The following XKR7 variants were observed in gnomAD, a reference collection of about 807,000 sequenced individuals.
XKR7 encodes XK related 7.
A neutral mutation model predicts 42.2 loss-of-function variants in XKR7; 11 were observed. The observed-to-expected ratio is 0.26, with a 90% CI of 0.16 to 0.43. The LOEUF (loss-of-function observed/expected upper bound fraction) is 0.43, where lower values mean the gene tolerates loss of function less well. XKR7 is among the 20% of genes least tolerant of loss of function. The pLI, the probability that XKR7 is intolerant of heterozygous loss-of-function variation, is 1.00. For synonymous variants in XKR7, 346 were observed against 366.4 expected, an observed-to-expected ratio of 0.94 and a Z score of 0.64; for missense variants, 710 against 802.2, an observed-to-expected ratio of 0.89 and a Z score of 1.39.
At chr20:31,975,506 A>C (rs2064480980) in intron 1 of XKR7, among the ~76,000 whole-genome samples, 1 of 152,122 alleles carries the variant, frequency 6.6e-6, no homozygotes, top group African/African-American at 2.4e-5. Context: ...TCTTCTAAGA[A>C]GCTTTCTCTG....
chr20:31,980,255 C>A (rs13044789), intron 1 of XKR7, among the ~76,000 whole-genome samples: 1 of 152,042 alleles, frequency 6.6e-6, no homozygotes, highest in Non-Finnish European at 1.5e-5. Context: ...AAATCACATT[C>A]TTTACTGACA....
chr20:31,985,442 G>A (rs2064533472), intron 1 of XKR7, among the ~76,000 whole-genome samples: 1 of 151,822 alleles, frequency 6.6e-6, no homozygotes, highest in Non-Finnish European at 1.5e-5. Context: ...TCAGGGAGAG[G>A]AGGAGCAGGC....
In XKR7 at chr20:32,000,002, C is replaced by CA. The variant is rs2064616565; in HGVS notation, c.*2546dup. On this transcript the variant is annotated 3_prime_UTR_variant, in exon 3 of 3. Transcript: ENST00000562532. ...ACATTTTTGGATTTTACTCCACCCCCACTCCCCACCTCTTCTCAACCCCAC... is the reference window on the plus strand; with the variant it reads ...ACATTTTTGGATTTTACTCCACCCCCAACTCCCCACCTCTTCTCAACCCCAC... The CA allele has an allele frequency of 6.6e-6, 1 of 152,380 alleles. No homozygotes were observed. The highest frequency in any genetic ancestry group is 2.4e-5 in the African/African-American group (1 of 41,438). The allele number at this position is 152,380 out of a possible 1,614,324, so 9.4% of individuals were successfully genotyped here.
intron 1 of XKR7, among the ~76,000 whole-genome samples, chr20:31,971,571 T>C (rs1360761490): frequency 1.3e-5 from 2 of 152,166 alleles, no homozygotes; most frequent in African/African-American, 2.4e-5. Flanking sequence ...ACGTGAGATG[T>C]TCCCACAGAT....
intron 1 of XKR7, 119 bp from the exon 2 acceptor site, chr20:31,994,949 G>GCTCACACA: frequency 7.5e-6 from 11 of 1,476,082 alleles, no homozygotes; most frequent in Non-Finnish European, 9.8e-6. Context: ...TCACAGCTGA[G>GCTCACACA]GAAACAGGCT....
chr20:31,973,715 G>A (rs897472027), intron 1 of XKR7, among the ~76,000 whole-genome samples: 1 of 152,130 alleles, frequency 6.6e-6, no homozygotes, highest in Non-Finnish European at 1.5e-5. Context: ...ATAGAGTGAG[G>A]GGAGCATGTT....
chr20:31,997,009 T>C lies in XKR7; in HGVS notation c.1292T>C (p.Phe431Ser). Reference sequence around the variant, plus strand: ...TCCAGCTTTGCGCTGGGCATATTCTTCATGTGTGTCTACTACTGTCTCCTG... The same window carrying C: ...TCCAGCTTTGCGCTGGGCATATTCTCCATGTGTGTCTACTACTGTCTCCTG... ...VASSFALGIF[F>S]MCVYYCLLHP... The change falls in exon 3 of 3, where the codon TTC becomes TCC. Residue 431 changes from phenylalanine to serine, a missense_variant. Physicochemically the swap from Phe to Ser is radical, Grantham distance 155. This residue lies in a region of XKR7 where 708 missense variants were observed against 786.2 expected (regional missense o/e 0.90). Coordinates refer to ENST00000562532, the MANE Select transcript of XKR7 (RefSeq NM_001011718.2). 3.1e-6 allele frequency: 5 copies of C among 1,614,100 alleles called. No individual in the cohort carries two copies. The highest frequency in any genetic ancestry group is 4.2e-6 in the Non-Finnish European group (5 of 1,180,032).
Position 31,996,573 on chromosome 20 carries a change from G to T in XKR7, c.856G>T (p.Asp286Tyr). The T allele has an allele frequency of 2.0e-6, 3 of 1,534,540 alleles. No homozygotes were observed. Among genetic ancestry groups the T allele is most frequent in the Non-Finnish European group, 1.7e-6 (2 of 1,144,670 alleles). ...TLASYQKVLRDSRDDKRPLSY... is the reference protein window; with the variant it reads ...TLASYQKVLRYSRDDKRPLSY... Reference sequence around the variant, plus strand: ...GGCCTCCTACCAGAAGGTGCTGCGGGACTCGCGGGACGACAAGCGGCCGCT... The same window carrying T: ...GGCCTCCTACCAGAAGGTGCTGCGGTACTCGCGGGACGACAAGCGGCCGCT... Residue 286 changes from aspartate (D) to tyrosine (Y), a missense_variant, in exon 3 of 3, where the codon GAC becomes TAC. Coordinates refer to ENST00000562532, the MANE Select transcript of XKR7 (RefSeq NM_001011718.2).
At chr20:31,986,906 C>T (rs968127658) in intron 1 of XKR7, among the ~76,000 whole-genome samples, 36 of 131,916 alleles carry the variant, frequency 2.7e-4, no homozygotes, top group African/African-American at 1.0e-3. Flanking sequence ...ACCACCAAGC[C>T]GACCCAGCAT....
intron 1 of XKR7, among the ~76,000 whole-genome samples, chr20:31,991,999 C>T (rs2064572345): frequency 2.6e-5 from 4 of 152,184 alleles, no homozygotes; most frequent in African/African-American, 7.2e-5. Context: ...TGCCTGTAAT[C>T]CCAGCTACTC....
chr20:31,998,931 C>G lies in XKR7; in HGVS notation c.*1474C>G, dbSNP rs1022543543. 5.3e-5 allele frequency: 8 copies of G among 152,366 alleles called. No homozygotes were observed. The highest frequency in any genetic ancestry group is 1.9e-4 in the African/African-American group (8 of 41,436). The allele number at this position is 152,366 out of a possible 1,614,324, so 9.4% of individuals were successfully genotyped here. A position where few individuals can be genotyped will look rare whatever the true frequency, so the allele number is the denominator to read the frequency against. On this transcript the variant is annotated 3_prime_UTR_variant, in exon 3 of 3. Transcript: ENST00000562532. ...CCAGGGCCCCTCCTCCCACCTAGGA[C>G]AGCCAGTGCTGGATTGAGGGGGCGT...
In XKR7 at chr20:31,997,726, C is replaced by T. The variant is rs2064602593; in HGVS notation, c.*269C>T. On this transcript the variant is annotated 3_prime_UTR_variant, in exon 3 of 3. Coordinates refer to ENST00000562532, the MANE Select transcript of XKR7 (RefSeq NM_001011718.2). ...ATCTGGTGCTACACTTTTCGAGCTG[C>T]CCTGCTTTCATGGGGCCTCCACACC... is the stretch of plus-strand genomic sequence containing the variant. 2.2e-6 allele frequency: 1 copy of T among 460,722 alleles called. No homozygotes were observed. Among genetic ancestry groups the T allele is most frequent in the Non-Finnish European group, 3.9e-6 (1 of 257,690 alleles). 28.5% of individuals were successfully genotyped at this position (460,722 alleles called of 1,614,324 possible). A position where few individuals can be genotyped will look rare whatever the true frequency, so the allele number is the denominator to read the frequency against.
intron 1 of XKR7, among the ~76,000 whole-genome samples, chr20:31,974,212 A>G (rs1371773341): frequency 1.3e-5 from 2 of 152,096 alleles, no homozygotes; most frequent in Non-Finnish European, 2.9e-5. Flanking sequence ...AGCATAAAAA[A>G]GAGAGAGAAT....
In XKR7 at chr20:31,968,882, C is replaced by T. The variant is rs555520970; in HGVS notation, c.584+123C>T. 735 of 1,376,878 alleles carry T rather than the reference C, an allele frequency of 5.3e-4. 3 individuals are homozygous for T. Among genetic ancestry groups the T allele is most frequent in the Middle Eastern group, 2.9e-3 (11 of 3,754 alleles). The allele number at this position is 1,376,878 out of a possible 1,614,324, so 85.3% of individuals were successfully genotyped here. On this transcript the variant is annotated intron_variant, in intron 1 of 2. Coordinates refer to ENST00000562532, the MANE Select transcript of XKR7 (RefSeq NM_001011718.2). The surrounding 1 kb of genome is among the most constrained non-coding windows in gnomAD (Gnocchi z 4.5). ...CTCCTGTCCTGACCTCCCCCCCTCC[C>T]CACCCCATTGCAGCTCTAATTTCTT...
In XKR7 at chr20:31,996,711, A is replaced by G. The variant is rs1461152055; in HGVS notation, c.994A>G (p.Ile332Val). 1.9e-6 allele frequency: 3 copies of G among 1,612,556 alleles called. No homozygotes were observed. The highest frequency in any genetic ancestry group is 1.1e-5 in the South Asian group (1 of 90,864). The change falls in exon 3 of 3, where the codon ATC becomes GTC. Residue 332 changes from isoleucine to valine, a missense_variant. This residue lies in a region of XKR7 where 708 missense variants were observed against 786.2 expected (regional missense o/e 0.90). Transcript: ENST00000562532. The part of the protein sequence containing the change: ...SVYKLYFGIF[I>V]VAHWCVMTFW... ...CTACAAGCTCTATTTTGGCATCTTCATCGTGGCCCACTGGTGCGTCATGAC... is the reference window on the plus strand; with the variant it reads ...CTACAAGCTCTATTTTGGCATCTTCGTCGTGGCCCACTGGTGCGTCATGAC...
intron 1 of XKR7, among the ~76,000 whole-genome samples, chr20:31,981,810 G>A (rs985376493): frequency 1.3e-5 from 2 of 152,106 alleles, no homozygotes; most frequent in African/African-American, 4.8e-5. Context: ...CTTCTCTGAC[G>A]GCAGCCATTC....
chr20:31,981,151 G>T (rs969824940), intron 1 of XKR7, among the ~76,000 whole-genome samples: 37 of 151,200 alleles, frequency 2.4e-4, no homozygotes, highest in African/African-American at 9.0e-4. Context: ...GATCACTTGA[G>T]GTCAGGAGTT....
intron 1 of XKR7, among the ~76,000 whole-genome samples, chr20:31,977,039 C>T (rs1169821150): frequency 2.0e-5 from 3 of 152,148 alleles, no homozygotes; most frequent in South Asian, 2.1e-4. Flanking sequence ...GCTGAATGTG[C>T]GAGCTTTCTG....
chr20:31,994,228 G>A (rs982729398), intron 1 of XKR7, among the ~76,000 whole-genome samples: 1 of 152,202 alleles, frequency 6.6e-6, no homozygotes, highest in African/African-American at 2.4e-5. Context: ...AGGCAGTAGG[G>A]ACTGTTCCTG....
Sources: gnomAD v4.1 joint callset for allele counts (sites outside exome capture counted in the v4.1 genomes callset) on GRCh38, gnomAD v4.1.1 for gene constraint, gnomAD v4.1.1 regional missense constraint, Gnocchi (gnomAD v3.1) non-coding constraint, MANE v1.5 for transcripts, NCBI Gene and HGNC (gene_info 2026-07-23, HGNC 2026-07-21) for gene names.